LRRC28: variants seen among roughly 807,000 people sequenced by gnomAD.
LRRC28 encodes the protein leucine-rich repeat-containing protein 28.
Under a neutral mutation model 45.7 loss-of-function variants are expected in LRRC28, and 39 were observed. The ratio of observed to expected loss-of-function variants is 0.85; its 90% CI spans 0.66 to 1.12. LRRC28 has a LOEUF of 1.12. Among genes scored for constraint, LRRC28 ranks in the 50% most tolerant of loss-of-function variants. LRRC28 has a pLI of 0.00. For missense variants in LRRC28, 435 were observed against 438.5 expected (o/e 0.99, Z 0.07); for synonymous variants, 206 against 178.8 (o/e 1.15, Z -1.22).
At chr15:99,350,423 T>C (rs908880458) in intron 6 of LRRC28, among the ~76,000 whole-genome samples, 7 of 152,216 alleles carry the variant, frequency 4.6e-5, no homozygotes, top group African/African-American at 1.4e-4. Flanking sequence ...CTTAACTTTA[T>C]ATTACGCTCC....
intron 2 of LRRC28, among the ~76,000 whole-genome samples, chr15:99,274,892 C>T (rs2081575241): frequency 6.6e-6 from 1 of 152,126 alleles, no homozygotes; most frequent in Non-Finnish European, 1.5e-5. Flanking sequence ...TCCATGTCAT[C>T]CTCTTATAAT....
chr15:99,274,170 G>A (rs1012138114), intron 2 of LRRC28, among the ~76,000 whole-genome samples: 1 of 152,156 alleles, frequency 6.6e-6, no homozygotes, highest in Non-Finnish European at 1.5e-5. Context: ...TCAAGAGTGA[G>A]TATTCAAAAA....
At chr15:99,321,362 G>C (rs1207894116) in intron 5 of LRRC28, among the ~76,000 whole-genome samples, 2 of 152,104 alleles carry the variant, frequency 1.3e-5, no homozygotes, top group African/African-American at 4.8e-5. Context: ...ATTTATTTCT[G>C]TAAAACTGTG....
intron 2 of LRRC28, chr15:99,259,817 C>G: frequency 1.1e-6 from 1 of 892,354 alleles, no homozygotes; most frequent in Non-Finnish European, 1.9e-6. Flanking sequence ...TTACCAGACA[C>G]TAAAGCATAT....
Position 99,255,888 on chromosome 15 carries a change from C to G in LRRC28, c.-60-10C>G. On this transcript the variant is annotated splice_polypyrimidine_tract_variant and intron_variant, in intron 1 of 9. Transcript: ENST00000301981. ...CTTACAATGAATAAATTTTCTCGTT[C>G]TCTTTATAGAAATGGACCAATTTTG... The G allele has an allele frequency of 2.0e-6, 3 of 1,464,296 alleles. No homozygotes were observed. The highest frequency in any genetic ancestry group is 1.4e-5 in the African/African-American group (1 of 70,014). The allele number at this position is 1,464,296 out of a possible 1,614,324, so 90.7% of individuals were successfully genotyped here.
At chr15:99,384,986 A>G (rs1355314114) in intron 9 of LRRC28, among the ~76,000 whole-genome samples, 1 of 152,216 alleles carries the variant, frequency 6.6e-6, no homozygotes, top group East Asian at 1.9e-4. Flanking sequence ...CCAGAAGGAT[A>G]CTGAGGCACG....
At position 99,287,248 on chromosome 15, in the gene LRRC28, C is replaced by A. The variant is rs762518971; in HGVS notation, c.210-9C>A. 8.3e-6 allele frequency: 13 copies of A among 1,560,264 alleles called. No individual in the cohort carries two copies. In the East Asian group the frequency reaches 2.8e-4, roughly 34 times the overall value. ...GATAATGGCTGTTTTTTTTCTTTTT[C>A]CTTCCTAGATACCTGCACTCAAATA... On this transcript the variant is annotated splice_polypyrimidine_tract_variant and intron_variant, in intron 3 of 9. Coordinates refer to ENST00000301981, the MANE Select transcript of LRRC28 (RefSeq NM_144598.5).
At chr15:99,263,046 A>G (rs1166540192) in intron 2 of LRRC28, among the ~76,000 whole-genome samples, 1 of 151,820 alleles carries the variant, frequency 6.6e-6, no homozygotes, top group African/African-American at 2.4e-5. Context: ...GCAGTGGCTC[A>G]TGCCTATAAT....
intron 5 of LRRC28, among the ~76,000 whole-genome samples, chr15:99,318,553 T>C (rs893998794): frequency 6.6e-6 from 1 of 152,074 alleles, no homozygotes; most frequent in African/African-American, 2.4e-5. Flanking sequence ...TTAATCATTT[T>C]TGAGTCTTTT....
At chr15:99,382,684 G>T (rs1158349945) in intron 9 of LRRC28, among the ~76,000 whole-genome samples, 2 of 151,996 alleles carry the variant, frequency 1.3e-5, no homozygotes, top group Non-Finnish European at 2.9e-5. Context: ...GTTCCTACCT[G>T]TTTATGGCTC....
intron 5 of LRRC28, among the ~76,000 whole-genome samples, chr15:99,318,150 A>C (rs1955663157): frequency 6.6e-6 from 1 of 152,200 alleles, no homozygotes; most frequent in South Asian, 2.1e-4. Flanking sequence ...GATTTAAAAA[A>C]ATTTTATAAT....
At chr15:99,382,441 C>T (rs777908500) in intron 9 of LRRC28, among the ~76,000 whole-genome samples, 6 of 152,210 alleles carry the variant, frequency 3.9e-5, no homozygotes, top group African/African-American at 9.6e-5. Context: ...TGTTCCTATT[C>T]GGCCATCTTG....
At chr15:99,262,194 A>T (rs1267239034) in intron 2 of LRRC28, among the ~76,000 whole-genome samples, 1 of 152,150 alleles carries the variant, frequency 6.6e-6, no homozygotes, top group Non-Finnish European at 1.5e-5. Context: ...GCCAATAGAT[A>T]TATGTACATT....
intron 5 of LRRC28, among the ~76,000 whole-genome samples, chr15:99,295,683 T>A (rs1488410515): frequency 7.9e-5 from 12 of 152,338 alleles, no homozygotes; most frequent in Middle Eastern, 3.4e-3. Context: ...AGCCTATTTT[T>A]AAAAAATACT....
At chr15:99,285,083 A>G in intron 3 of LRRC28, 1 of 688,872 alleles carries the variant, frequency 1.5e-6, no homozygotes, top group South Asian at 1.4e-5. Context: ...ACATTATGGT[A>G]TTTCTGAGTG....
At chr15:99,279,653 C>CTAGAGCAAGCGA (rs1172267118) in intron 3 of LRRC28, among the ~76,000 whole-genome samples, 5 of 152,172 alleles carry the variant, frequency 3.3e-5, no homozygotes, top group African/African-American at 9.7e-5. Flanking sequence ...GGGGTTAGGA[C>CTAGAGCAAGCGA]TAGAGCAAGC....
At chr15:99,306,178 T>C (rs550976725) in intron 5 of LRRC28, among the ~76,000 whole-genome samples, 3 of 152,250 alleles carry the variant, frequency 2.0e-5, no homozygotes, top group Non-Finnish European at 4.4e-5. Flanking sequence ...CCGAGGCATT[T>C]CTCTTTGCTG....
intron 5 of LRRC28, among the ~76,000 whole-genome samples, chr15:99,317,939 A>G (rs975717732): frequency 6.6e-6 from 1 of 152,172 alleles, no homozygotes; most frequent in Admixed American, 6.5e-5. Context: ...ACAACAAAAG[A>G]TTGGTAGAAC....
At chr15:99,363,698 A>T (rs1485638445) in intron 9 of LRRC28, among the ~76,000 whole-genome samples, 3 of 152,236 alleles carry the variant, frequency 2.0e-5, no homozygotes, top group Non-Finnish European at 4.4e-5. Flanking sequence ...GCACACACAC[A>T]CATTTCTGTT....
Sources: gnomAD v4.1 joint callset for allele counts (sites outside exome capture counted in the v4.1 genomes callset) on GRCh38, gnomAD v4.1.1 for gene constraint, MANE v1.5 for transcripts, NCBI Gene and HGNC (gene_info 2026-07-23, HGNC 2026-07-21) for gene names.